MARF1: variants seen among roughly 807,000 people sequenced by gnomAD.
The protein encoded by MARF1 is limkain-b1.
MARF1 carries 24 observed loss-of-function variants against 168.2 expected under a neutral mutation model. The ratio of observed to expected loss-of-function variants is 0.14; its 90% CI spans 0.10 to 0.20. The LOEUF (loss-of-function observed/expected upper bound fraction) is 0.20, where lower values mean the gene tolerates loss of function less well. MARF1 is among the 10% of genes least tolerant of loss of function. The pLI is 1.00. For synonymous variants in MARF1, 868 were observed against 822.4 expected, an observed-to-expected ratio of 1.06 and a Z score of -0.95; for missense variants, 1,744 against 2,143.6, an observed-to-expected ratio of 0.81 and a Z score of 3.68.
Position 15,624,902 on chromosome 16 carries a change from C to G in MARF1, c.2137G>C (p.Val713Leu). 3 of 1,614,146 alleles carry G rather than the reference C, an allele frequency of 1.9e-6. No individual in the cohort carries two copies. Among genetic ancestry groups the G allele is most frequent in the Non-Finnish European group, 2.5e-6 (3 of 1,180,024 alleles). The stretch of plus-strand genomic sequence containing the variant: ...TTTTTCTCTACAGGAGAACTGGTAA[C>G]ACTTCGGGCACTGAGGTTCTCCTTT... ...QKKENLSARS[V>L]TSSPVEKKDK... Residue 713 changes from valine (V) to leucine (L), a missense_variant, in exon 10 of 27, where the codon GTT becomes CTT. By Grantham distance (32) the Val-to-Leu change is conservative. Transcript: ENST00000396368.
At chr16:15,618,006 C>G (rs1337637202) in intron 13 of MARF1, among the ~76,000 whole-genome samples, 1 of 152,190 alleles carries the variant, frequency 6.6e-6, no homozygotes, top group Non-Finnish European at 1.5e-5. Flanking sequence ...CTGTATCTTT[C>G]TTACTTGGAA....
rs369548916 is a variant in MARF1, at chr16:15,595,882, CAAT to C, written c.*808_*810del. The C allele has an allele frequency of 3.3e-5, 5 of 152,344 alleles. No individual in the cohort carries two copies. The highest frequency in any genetic ancestry group is 1.2e-4 in the African/African-American group (5 of 41,566). 9.4% of individuals were successfully genotyped at this position (152,344 alleles called of 1,614,324 possible). A position where few individuals can be genotyped will look rare whatever the true frequency, so the allele number is the denominator to read the frequency against. ...CTTTCCAATGCTGCCTCTCGACACA[CAAT>C]AATGTGTGTTGTAATCCAAATGCTG... On this transcript the variant is annotated 3_prime_UTR_variant, in exon 27 of 27. Transcript: ENST00000396368.
chr16:15,606,457 C>T (rs531652980), intron 21 of MARF1, among the ~76,000 whole-genome samples: 1 of 152,202 alleles, frequency 6.6e-6, no homozygotes, highest in South Asian at 2.1e-4. Context: ...CTGCACTCCA[C>T]GTGACATCCT....
chr16:15,614,528 G>A (rs932936273), intron 16 of MARF1, among the ~76,000 whole-genome samples: 3 of 147,208 alleles, frequency 2.0e-5, no homozygotes, highest in Non-Finnish European at 4.5e-5. Context: ...GCTCACACCT[G>A]TAATCCCAGC....
chr16:15,602,339 A>C, intron 22 of MARF1, 136 bp from the exon 23 acceptor site: 1 of 676,126 alleles, frequency 1.5e-6, no homozygotes, highest in South Asian at 1.8e-5. Context: ...AACGAAGATG[A>C]GAAGATGAAG....
intron 10 of MARF1, 139 bp downstream of exon 10, chr16:15,624,630 G>A (rs190400678): frequency 1.1e-5 from 8 of 756,130 alleles, no homozygotes; most frequent in African/African-American, 7.0e-5. Context: ...TACCTGAGGA[G>A]AGGGGGACTG....
Position 15,633,707 on chromosome 16 carries a change from A to G in MARF1, c.1143T>C (p.Phe381=). ...TAVVQRIREK[F]FKGHREAEFI... ...ATTCTGCTTCTCTGTGGCCTTTAAA[A>G]AACTTCTCACGGATTCTTTGCACAA... The change falls in exon 5 of 27, where the codon TTT becomes TTC. Residue 381 remains phenylalanine, a synonymous_variant. Coordinates refer to ENST00000396368, the MANE Select transcript of MARF1 (RefSeq NM_014647.4). 1 of 1,614,140 alleles carries G rather than the reference A, an allele frequency of 6.2e-7. No individual in the cohort carries two copies. The highest frequency in any genetic ancestry group is 8.5e-7 in the Non-Finnish European group (1 of 1,180,012).
chr16:15,608,234 G>A (rs894624903), intron 21 of MARF1, 57 bp downstream of exon 21: 2 of 1,129,554 alleles, frequency 1.8e-6, no homozygotes, highest in African/African-American at 1.6e-5. Flanking sequence ...TGAGAATTAG[G>A]TCACTGTGAG....
At position 15,627,037 on chromosome 16, in the gene MARF1, G is replaced by T. The variant is rs1223350957; in HGVS notation, c.1525-1237C>A. ...AAGAAAGAAAAGAGAGAGAGAGAGA[G>T]AAAGAACGAACAAACGAACGAACGA... On this transcript the variant is annotated intron_variant, in intron 7 of 26. Transcript: ENST00000396368. Among the ~76,000 whole-genome samples the T allele has an allele frequency of 2.0e-5, 3 of 151,084 alleles. No homozygotes were observed. In the East Asian group the frequency reaches 5.8e-4, roughly 29 times the overall value.
rs188539311 is a variant in MARF1, at chr16:15,626,642, G to C, written c.1525-842C>G. On this transcript the variant is annotated intron_variant, in intron 7 of 26. Coordinates refer to ENST00000396368, the MANE Select transcript of MARF1 (RefSeq NM_014647.4). ...GCAGTGGGTAGTCATAATTCTTCCAGATAAGTTGAAATTTATGTATTAAGA... is the reference window on the plus strand; with the variant it reads ...GCAGTGGGTAGTCATAATTCTTCCACATAAGTTGAAATTTATGTATTAAGA... 7.2e-5 allele frequency among the ~76,000 whole-genome samples: 11 copies of C among 152,274 alleles called. No individual in the cohort carries two copies. The East Asian group carries it at 2.1e-3, about 29-fold the overall frequency.
At chr16:15,617,770 C>T (rs539304039) in intron 13 of MARF1, among the ~76,000 whole-genome samples, 6 of 152,290 alleles carry the variant, frequency 3.9e-5, no homozygotes, top group African/African-American at 1.4e-4. Flanking sequence ...AAAGCCACCC[C>T]CAGCCCCTGC....
chr16:15,634,698 T>C lies in MARF1; in HGVS notation c.1006+59A>G, dbSNP rs529613254. 33 of 1,496,284 alleles carry C rather than the reference T, an allele frequency of 2.2e-5. No homozygotes were observed. In the African/African-American group the frequency reaches 4.3e-4, roughly 19 times the overall value. 92.7% of individuals were successfully genotyped at this position (1,496,284 alleles called of 1,614,324 possible). A position where few individuals can be genotyped will look rare whatever the true frequency, so the allele number is the denominator to read the frequency against. ...CTTCAAAGGTGATTAAATGCAATGT[T>C]AGTATGAGATATTGAAAGCTATTTA... On this transcript the variant is annotated intron_variant, in intron 4 of 26. Coordinates refer to ENST00000396368, the MANE Select transcript of MARF1 (RefSeq NM_014647.4).
intron 20 of MARF1, among the ~76,000 whole-genome samples, chr16:15,609,192 T>C (rs984493798): frequency 5.3e-5 from 8 of 152,114 alleles, no homozygotes; most frequent in South Asian, 2.1e-4. Flanking sequence ...TGAGCCAAGA[T>C]TGCGCCATTG....
intron 25 of MARF1, 56 bp downstream of exon 25, chr16:15,600,372 A>G: frequency 6.2e-6 from 10 of 1,609,364 alleles, no homozygotes; most frequent in South Asian, 5.5e-5. Context: ...CCCGACCCCA[A>G]AGCCGTTTCT....
rs2035541558 is a variant in MARF1, at chr16:15,635,636, A to G, written c.831+20T>C. On this transcript the variant is annotated intron_variant, in intron 3 of 26. Transcript: ENST00000396368. Reference sequence around the variant, plus strand: ...TCAATCCTCAGCTGCACCCAACTTAAGAAATAAAAAGATACGAACCTTGTT... The same window carrying G: ...TCAATCCTCAGCTGCACCCAACTTAGGAAATAAAAAGATACGAACCTTGTT... 1.2e-6 allele frequency: 2 copies of G among 1,602,604 alleles called. No individual in the cohort carries two copies. The highest frequency in any genetic ancestry group is 1.7e-6 in the Non-Finnish European group (2 of 1,170,734).
At chr16:15,602,533 A>G (rs773418596) in intron 22 of MARF1, 28 of 495,470 alleles carry the variant, frequency 5.7e-5, no homozygotes, top group Middle Eastern at 1.0e-3. Flanking sequence ...AGACGACGAT[A>G]AAGAAGACGA....
At chr16:15,622,641 C>T (rs2151195057) in intron 11 of MARF1, among the ~76,000 whole-genome samples, 1 of 152,302 alleles carries the variant, frequency 6.6e-6, no homozygotes, top group Middle Eastern at 3.4e-3. Context: ...CCTTGGCCTC[C>T]CAAAGTGCTG....
intron 2 of MARF1, among the ~76,000 whole-genome samples, chr16:15,637,255 G>T (rs1264426145): frequency 6.6e-6 from 1 of 152,210 alleles, no homozygotes; most frequent in Admixed American, 6.5e-5. Context: ...ACTGAAAGGG[G>T]ACTGAATTCA....
At chr16:15,630,052 A>G (rs1425130400) in intron 7 of MARF1, among the ~76,000 whole-genome samples, 1 of 152,262 alleles carries the variant, frequency 6.6e-6, no homozygotes, top group African/African-American at 2.4e-5. Flanking sequence ...CACCTGACAC[A>G]AAACACTGCT....
Sources: allele counts gnomAD v4.1 joint callset (sites outside exome capture counted in the v4.1 genomes callset), GRCh38; gene constraint gnomAD v4.1.1; transcripts MANE v1.5; gene names NCBI Gene and HGNC (gene_info 2026-07-23, HGNC 2026-07-21).